The following LRMDA variants were observed in gnomAD, a reference collection of about 807,000 sequenced individuals.
LRMDA encodes leucine rich melanocyte differentiation associated.
A neutral mutation model predicts 29.8 loss-of-function variants in LRMDA; 18 were observed. The observed-to-expected ratio is 0.60, with a 90% confidence interval of 0.42 to 0.90. The LOEUF (loss-of-function observed/expected upper bound fraction) is 0.90, where lower values mean the gene tolerates loss of function less well. Among genes scored for constraint, LRMDA ranks in the 40% least tolerant of loss-of-function variants. LRMDA has a pLI of 0.00. For missense variants in LRMDA, 273 were observed against 273.9 expected (o/e 1.00, Z 0.02); for synonymous variants, 125 against 109.4 (o/e 1.14, Z -0.89).
intron 2 of LRMDA, among the ~76,000 whole-genome samples, chr10:75,575,829 C>G (rs1840497588): frequency 6.6e-6 from 1 of 152,108 alleles, no homozygotes; most frequent in South Asian, 2.1e-4. Flanking sequence ...GCACTCCGGC[C>G]CAGATACTGA....
At chr10:75,548,199 G>C (rs1371167151) in intron 2 of LRMDA, among the ~76,000 whole-genome samples, 2 of 152,100 alleles carry the variant, frequency 1.3e-5, no homozygotes, top group South Asian at 2.1e-4. Flanking sequence ...TTTGGGTTTG[G>C]TAGCAATGTT....
chr10:75,751,312 AGGGAGAGGGAGAGGGAGACCG>A (rs1185051137), intron 2 of LRMDA, among the ~76,000 whole-genome samples: 2 of 145,966 alleles, frequency 1.4e-5, no homozygotes, highest in South Asian at 2.3e-4. Flanking sequence ...GTGGAGAGAG[AGGGAGAGGGAGAGGGAGACCG>A]GGGAGAGGGA....
intron 2 of LRMDA, among the ~76,000 whole-genome samples, chr10:75,759,015 T>G (rs993866673): frequency 6.6e-6 from 1 of 152,180 alleles, no homozygotes; most frequent in South Asian, 2.1e-4. Flanking sequence ...CACCTATGGG[T>G]TTAGAGTCCT....
At position 76,490,838 on chromosome 10, in the gene LRMDA, C is replaced by T. The variant is rs141029613; in HGVS notation, c.602-66371C>T. 3.6e-3 allele frequency among the ~76,000 whole-genome samples: 548 copies of T among 151,916 alleles called. 5 individuals carry two copies. Among genetic ancestry groups the T allele is most frequent in the African/African-American group, 0.012 (498 of 41,472 alleles). ...TGTGATTTGTTTTCTAGTTGTTTTG[C>T]GGTCATCTCTTCCTTCTTTCCTTCC... On this transcript the variant is annotated intron_variant, in intron 6 of 6. Transcript: ENST00000611255.
At chr10:75,778,522 A>G (rs1207598603) in intron 2 of LRMDA, among the ~76,000 whole-genome samples, 2 of 152,268 alleles carry the variant, frequency 1.3e-5, no homozygotes, top group Middle Eastern at 3.4e-3. Context: ...GAAACTTTTC[A>G]TTCTCTGCTT....
intron 2 of LRMDA, among the ~76,000 whole-genome samples, chr10:76,027,886 G>T (rs796741966): frequency 2.0e-5 from 3 of 152,178 alleles, no homozygotes; most frequent in Admixed American, 6.5e-5. Flanking sequence ...TAATTCCTGT[G>T]TAATATTTTA....
chr10:75,649,719 T>A (rs1479499330), intron 2 of LRMDA, among the ~76,000 whole-genome samples: 1 of 152,222 alleles, frequency 6.6e-6, no homozygotes, highest in East Asian at 1.9e-4. Context: ...TTTGAGGAAC[T>A]GCCATATTGT....
rs936847641 is a variant in LRMDA at position 75,452,458 on chromosome 10, T to C, written c.131+13964T>C. On this transcript the variant is annotated intron_variant, in intron 2 of 6. Coordinates refer to ENST00000611255, the MANE Select transcript of LRMDA (RefSeq NM_001305581.2). ...CAAATTTTAGAACAGGATTTTTTTT[T>C]CCCCTTTGCTTCTTGCCACAAGATA... Among the ~76,000 whole-genome samples the C allele has an allele frequency of 2.6e-4, 39 of 152,088 alleles. 1 individual carries two copies. Among genetic ancestry groups the C allele is most frequent in the African/African-American group, 7.7e-4 (32 of 41,398 alleles).
At chr10:76,239,764 T>A (rs957417004) in intron 5 of LRMDA, among the ~76,000 whole-genome samples, 2 of 152,148 alleles carry the variant, frequency 1.3e-5, no homozygotes, top group Non-Finnish European at 2.9e-5. Flanking sequence ...CTTGTTTGAA[T>A]TCAAATTCAT....
At chr10:76,348,747 A>G (rs967986243) in intron 6 of LRMDA, among the ~76,000 whole-genome samples, 1 of 152,224 alleles carries the variant, frequency 6.6e-6, no homozygotes. Context: ...GACACTGTAC[A>G]TGTGTAGAAA....
intron 5 of LRMDA, among the ~76,000 whole-genome samples, chr10:76,275,260 A>G (rs1840116776): frequency 6.6e-6 from 1 of 151,874 alleles, no homozygotes; most frequent in Non-Finnish European, 1.5e-5. Context: ...CTTGTAGGAG[A>G]TTCTTTTTTC....
intron 2 of LRMDA, among the ~76,000 whole-genome samples, chr10:75,664,075 T>C (rs1841790398): frequency 6.6e-6 from 1 of 152,198 alleles, no homozygotes; most frequent in African/African-American, 2.4e-5. Flanking sequence ...AGTACTGTTC[T>C]AACCTCTGGG....
intron 2 of LRMDA, among the ~76,000 whole-genome samples, chr10:75,762,609 C>G (rs545184522): frequency 2.0e-5 from 3 of 152,300 alleles, no homozygotes; most frequent in African/African-American, 7.2e-5. Flanking sequence ...CACTTAATGG[C>G]TATATATCCT....
chr10:75,589,232 A>T (rs1483607308), intron 2 of LRMDA, among the ~76,000 whole-genome samples: 1 of 152,182 alleles, frequency 6.6e-6, no homozygotes, highest in Non-Finnish European at 1.5e-5. Context: ...AATGTTAGGG[A>T]CATGCTTGTT....
intron 2 of LRMDA, among the ~76,000 whole-genome samples, chr10:75,892,131 A>G (rs1177368805): frequency 1.3e-5 from 2 of 152,170 alleles, no homozygotes; most frequent in African/African-American, 4.8e-5. Flanking sequence ...AATCAGCTCT[A>G]ATGTCCTCTG....
intron 2 of LRMDA, among the ~76,000 whole-genome samples, chr10:75,834,992 G>A (rs528077547): frequency 3.3e-4 from 50 of 152,212 alleles, no homozygotes; most frequent in Non-Finnish European, 5.1e-4. Flanking sequence ...ATCAAATTCC[G>A]AAACCACTTC....
At chr10:75,792,372 C>T (rs1485885679) in intron 2 of LRMDA, among the ~76,000 whole-genome samples, 1 of 152,132 alleles carries the variant, frequency 6.6e-6, no homozygotes, top group African/African-American at 2.4e-5. Context: ...TCAAGTGATT[C>T]CCCTGCCTCA....
At chr10:75,642,209 G>A (rs1841462616) in intron 2 of LRMDA, among the ~76,000 whole-genome samples, 1 of 152,214 alleles carries the variant, frequency 6.6e-6, no homozygotes, top group South Asian at 2.1e-4. Flanking sequence ...AGTCTCAGCT[G>A]TAAGATGTAG....
intron 2 of LRMDA, among the ~76,000 whole-genome samples, chr10:75,675,707 CTT>C (rs11295775): frequency 0.13 from 19,997 of 149,802 alleles, 3,128 homozygotes; most frequent in African/African-American, 0.36. Flanking sequence ...TATTGTTCAA[CTT>C]TTTTTTTTTT....
Sources: allele counts gnomAD v4.1 joint callset (sites outside exome capture counted in the v4.1 genomes callset), GRCh38; gene constraint gnomAD v4.1.1; transcripts MANE v1.5; gene names NCBI Gene and HGNC (gene_info 2026-07-23, HGNC 2026-07-21).